Variants in XXYLT1 observed in about 807,000 individuals in gnomAD.
XXYLT1 encodes the protein UDP-xylose:alpha-xyloside alpha-1,3-xylosyltransferase.
XXYLT1 carries 20 observed loss-of-function variants against 28.9 expected under a neutral mutation model. That is an observed-to-expected ratio of 0.69 (90% CI 0.49 to 1.00). XXYLT1 has a LOEUF of 1.00. XXYLT1 is among the 50% of genes least tolerant of loss of function. The pLI is 0.00. For missense variants in XXYLT1, 542 were observed against 560.1 expected, an observed-to-expected ratio of 0.97 and a Z score of 0.33; for synonymous variants, 257 against 253.8, an observed-to-expected ratio of 1.01 and a Z score of -0.12.
intron 2 of XXYLT1, among the ~76,000 whole-genome samples, chr3:195,225,658 G>C (rs535229430): frequency 9.1e-4 from 137 of 150,958 alleles, no homozygotes; most frequent in African/African-American, 3.2e-3. Context: ...GAAACTGGTT[G>C]ATATGGTTTG....
chr3:195,193,865 T>C (rs938686695), intron 2 of XXYLT1, among the ~76,000 whole-genome samples: 1 of 152,122 alleles, frequency 6.6e-6, no homozygotes, highest in Non-Finnish European at 1.5e-5. Flanking sequence ...AGAAAAGAAT[T>C]TGGACCTTTA....
In XXYLT1 at chr3:195,270,887, C is replaced by A; in HGVS notation, c.172G>T (p.Ala58Ser). ...FSSATKRLKE[A>S]RAGAPAAPSP... The stretch of plus-strand genomic sequence containing the variant: ...GGCGCGGCGGGAGCCCCGGCGCGGG[C>A]CTCCTTCAGCCTCTTGGTGGCGCTG... The change falls in exon 1 of 4, where the codon GCC (alanine) becomes TCC (serine). Residue 58 changes from alanine (A) to serine (S), a missense_variant. Transcript: ENST00000310380. The A allele has an allele frequency of 7.0e-7, 1 of 1,437,796 alleles. No individual in the cohort carries two copies. Among genetic ancestry groups the A allele is most frequent in the Non-Finnish European group, 9.1e-7 (1 of 1,098,022 alleles). The allele number at this position is 1,437,796 out of a possible 1,614,324, so 89.1% of individuals were successfully genotyped here.
At chr3:195,149,539 C>T (rs1720072455) in intron 3 of XXYLT1, among the ~76,000 whole-genome samples, 1 of 152,196 alleles carries the variant, frequency 6.6e-6, no homozygotes, top group South Asian at 2.1e-4. Flanking sequence ...AAAGTGGAAG[C>T]CAGGCTCAGT....
At position 195,115,061 on chromosome 3, in the gene XXYLT1, G is replaced by A. The variant is rs1247849370; in HGVS notation, c.785+41388C>T. Among the ~76,000 whole-genome samples the A allele has an allele frequency of 1.3e-5, 2 of 152,216 alleles. No individual in the cohort carries two copies. Among genetic ancestry groups the A allele is most frequent in the Non-Finnish European group, 2.9e-5 (2 of 68,036 alleles). On this transcript the variant is annotated intron_variant, in intron 3 of 3. Transcript: ENST00000310380. The surrounding 1 kb of genome is among the most constrained non-coding windows in gnomAD (Gnocchi z 4.2). The stretch of plus-strand genomic sequence containing the variant: ...ACAGTTGGCTCCTCCCAAACCTCCC[G>A]TTGATCCTCCTCCTATTGAGAGGTT...
intron 3 of XXYLT1, among the ~76,000 whole-genome samples, chr3:195,155,887 C>A (rs541407888): frequency 1.3e-5 from 2 of 152,144 alleles, no homozygotes; most frequent in African/African-American, 4.8e-5. Flanking sequence ...TTGGCTACTA[C>A]AAATAACGCT....
At chr3:195,241,527 T>C (rs1421644560) in intron 1 of XXYLT1, among the ~76,000 whole-genome samples, 3 of 152,100 alleles carry the variant, frequency 2.0e-5, no homozygotes, top group Non-Finnish European at 2.9e-5. Context: ...AAACAAAACA[T>C]TGTTTTCCAA....
chr3:195,230,560 G>A (rs1047356580), intron 1 of XXYLT1, among the ~76,000 whole-genome samples: 1 of 152,042 alleles, frequency 6.6e-6, no homozygotes, highest in Non-Finnish European at 1.5e-5. Flanking sequence ...TTTTTTATAT[G>A]GCAAGAGAGA....
intron 2 of XXYLT1, among the ~76,000 whole-genome samples, chr3:195,159,694 A>G (rs1440680576): frequency 6.6e-6 from 1 of 152,146 alleles, no homozygotes; most frequent in Non-Finnish European, 1.5e-5. Flanking sequence ...CTGGCTGTCC[A>G]GGGGACTATT....
rs7653427 is a variant in XXYLT1 at position 195,173,519 on chromosome 3, T to C, written c.653-16938A>G. On this transcript the variant is annotated intron_variant, in intron 2 of 3. Coordinates refer to ENST00000310380, the MANE Select transcript of XXYLT1 (RefSeq NM_152531.5). The surrounding 1 kb of genome is among the most constrained non-coding windows in gnomAD (Gnocchi z 4.3). ...ACCTAAAAACGGACATGAAACTCTA[T>C]TTTTATTCACTGAATCGTATGCTCC... 0.042 allele frequency among the ~76,000 whole-genome samples: 6,324 copies of C among 152,278 alleles called. 437 individuals are homozygous for C. The highest frequency in any genetic ancestry group is 0.14 in the African/African-American group (6,005 of 41,532).
chr3:195,069,623 C>G lies in XXYLT1; in HGVS notation c.*92G>C. 1 of 1,496,666 alleles carries G rather than the reference C, an allele frequency of 6.7e-7. No individual in the cohort carries two copies. The highest frequency in any genetic ancestry group is 8.9e-7 in the Non-Finnish European group (1 of 1,123,504). 92.7% of individuals were successfully genotyped at this position (1,496,666 alleles called of 1,614,324 possible). A position where few individuals can be genotyped will look rare whatever the true frequency, so the allele number is the denominator to read the frequency against. ...CACAGGACTTCCCTGCGGTGTCTCTCTAGCGGGTCAGACACTGCCCTTGGG... is the reference window on the plus strand; with the variant it reads ...CACAGGACTTCCCTGCGGTGTCTCTGTAGCGGGTCAGACACTGCCCTTGGG... On this transcript the variant is annotated 3_prime_UTR_variant, in exon 4 of 4. Coordinates refer to ENST00000310380, the MANE Select transcript of XXYLT1 (RefSeq NM_152531.5).
intron 3 of XXYLT1, among the ~76,000 whole-genome samples, chr3:195,111,146 G>T (rs1178259915): frequency 1.3e-5 from 2 of 151,900 alleles, no homozygotes; most frequent in African/African-American, 4.8e-5. Context: ...TGGTTCGCTG[G>T]CAATCTTTGC....
chr3:195,088,184 C>T (rs917412797), intron 3 of XXYLT1, among the ~76,000 whole-genome samples: 8 of 151,774 alleles, frequency 5.3e-5, no homozygotes, highest in Non-Finnish European at 8.8e-5. Flanking sequence ...GAGCCCACCA[C>T]AGCTCAAGGA....
chr3:195,236,284 C>T (rs1056126058), intron 1 of XXYLT1, among the ~76,000 whole-genome samples: 7 of 152,066 alleles, frequency 4.6e-5, no homozygotes, highest in Non-Finnish European at 8.8e-5. Context: ...TATTCTACTG[C>T]GGTTAAGCTG....
At chr3:195,081,980 C>T (rs1185381850) in intron 3 of XXYLT1, among the ~76,000 whole-genome samples, 1 of 152,246 alleles carries the variant, frequency 6.6e-6, no homozygotes, top group African/African-American at 2.4e-5. Flanking sequence ...TAGGCCAGGA[C>T]TAGAAGCTTC....
intron 2 of XXYLT1, among the ~76,000 whole-genome samples, chr3:195,222,608 C>T (rs139088300): frequency 6.6e-6 from 1 of 152,178 alleles, no homozygotes; most frequent in East Asian, 1.9e-4. Flanking sequence ...GTATAATTTA[C>T]AATACTAGAA....
At chr3:195,253,278 G>C (rs1725343988) in intron 1 of XXYLT1, among the ~76,000 whole-genome samples, 1 of 152,034 alleles carries the variant, frequency 6.6e-6, no homozygotes, top group Non-Finnish European at 1.5e-5. Context: ...CCGTAAATCA[G>C]GTCCAGATGC....
chr3:195,266,723 C>A (rs1449851056), intron 1 of XXYLT1, among the ~76,000 whole-genome samples: 1 of 152,166 alleles, frequency 6.6e-6, no homozygotes, highest in Non-Finnish European at 1.5e-5. Context: ...TCCTGGATTT[C>A]TTACAGCAGT....
chr3:195,115,654 G>A lies in XXYLT1; in HGVS notation c.785+40795C>T, dbSNP rs968397013. Reference sequence around the variant, plus strand: ...ATTTACAGGACGACTCCCTTCATCTGGTGCGGAGCAGTAACCCCCTCGTCT... The same window carrying A: ...ATTTACAGGACGACTCCCTTCATCTAGTGCGGAGCAGTAACCCCCTCGTCT... On this transcript the variant is annotated intron_variant, in intron 3 of 3. Coordinates refer to ENST00000310380, the MANE Select transcript of XXYLT1 (RefSeq NM_152531.5). The surrounding 1 kb of genome is among the most constrained non-coding windows in gnomAD (Gnocchi z 4.2). Among the ~76,000 whole-genome samples the A allele has an allele frequency of 6.6e-6, 1 of 152,190 alleles. No individual in the cohort carries two copies.
intron 2 of XXYLT1, among the ~76,000 whole-genome samples, chr3:195,212,692 C>T (rs139137865): frequency 2.3e-3 from 354 of 152,336 alleles, no homozygotes; most frequent in Middle Eastern, 6.8e-3. Flanking sequence ...GAGACTCTGA[C>T]GAATGCCTGA....
Sources: gnomAD v4.1 joint callset for allele counts (sites outside exome capture counted in the v4.1 genomes callset) on GRCh38, gnomAD v4.1.1 for gene constraint, Gnocchi (gnomAD v3.1) non-coding constraint, MANE v1.5 for transcripts, NCBI Gene and HGNC (gene_info 2026-07-23, HGNC 2026-07-21) for gene names.